Variants in EYS observed in about 807,000 individuals in gnomAD.
EYS encodes EGF-like photoreceptor maintenance factor.
Under a neutral mutation model 282.1 loss-of-function variants are expected in EYS, and 250 were observed. That is an observed-to-expected ratio of 0.89 (90% confidence interval 0.80 to 0.98). EYS has a LOEUF of 0.98. Among genes scored for constraint, EYS ranks in the 50% least tolerant of loss-of-function variants. The probability of loss-of-function intolerance (pLI) is 0.00; values close to 1 mark genes in which losing one functional copy is unlikely to be tolerated. For synonymous variants in EYS, 1,355 were observed against 1,282.9 expected (o/e 1.06, Z -1.20); for missense variants, 4,016 against 3,709.0 (o/e 1.08, Z -2.15).
chr6:64,238,166 T>C (rs182573716), intron 30 of EYS, among the ~76,000 whole-genome samples: 27 of 152,302 alleles, frequency 1.8e-4, no homozygotes, highest in Admixed American at 7.8e-4. Context: ...TCTCACCATC[T>C]TCTATTCTTT....
chr6:65,622,781 A>G (rs563980568), intron 2 of EYS, among the ~76,000 whole-genome samples: 39 of 151,082 alleles, frequency 2.6e-4, no homozygotes, highest in Admixed American at 1.3e-3. Context: ...TGGTTTTGAA[A>G]CAGTATCTCT....
At chr6:65,006,418 C>T (rs1344235857) in intron 13 of EYS, among the ~76,000 whole-genome samples, 2 of 137,050 alleles carry the variant, frequency 1.5e-5, no homozygotes, top group East Asian at 4.8e-4. Flanking sequence ...TCGGTAGGGA[C>T]AACTGCTTCA....
intron 11 of EYS, among the ~76,000 whole-genome samples, chr6:65,327,701 TAA>T (rs1292390640): frequency 6.6e-6 from 1 of 151,530 alleles, no homozygotes; most frequent in Non-Finnish European, 1.5e-5. Flanking sequence ...ATAAAAAGTA[TAA>T]GAGACCACTA....
intron 14 of EYS, among the ~76,000 whole-genome samples, chr6:64,949,072 G>T (rs1260019084): frequency 6.6e-6 from 1 of 151,824 alleles, no homozygotes; most frequent in Admixed American, 6.6e-5. Flanking sequence ...TTGTGAACAT[G>T]AATTTTCAAG....
intron 29 of EYS, among the ~76,000 whole-genome samples, chr6:64,365,267 C>G (rs1192366886): frequency 6.6e-6 from 1 of 151,946 alleles, no homozygotes; most frequent in East Asian, 1.9e-4. Flanking sequence ...GAAGTGAGTG[C>G]TAGGCTACAT....
chr6:64,652,872 G>A (rs1391653483), intron 22 of EYS, among the ~76,000 whole-genome samples: 2 of 151,984 alleles, frequency 1.3e-5, no homozygotes, highest in African/African-American at 2.4e-5. Flanking sequence ...ATAAAATTCC[G>A]TGTGTGTGTA....
intron 12 of EYS, among the ~76,000 whole-genome samples, chr6:65,270,065 A>G (rs898180845): frequency 5.9e-5 from 9 of 152,212 alleles, no homozygotes; most frequent in African/African-American, 2.2e-4. Flanking sequence ...AATTAGATAT[A>G]GGTGCAACTT....
At chr6:65,622,541 T>G (rs115268102) in intron 2 of EYS, among the ~76,000 whole-genome samples, 8 of 152,196 alleles carry the variant, frequency 5.3e-5, no homozygotes, top group African/African-American at 1.9e-4. Context: ...TTATTTAAGA[T>G]CTATACAACA....
chr6:64,151,475 C>G (rs964436724), intron 31 of EYS, among the ~76,000 whole-genome samples: 1 of 150,452 alleles, frequency 6.6e-6, no homozygotes, highest in African/African-American at 2.5e-5. Context: ...ATTCTTGTGC[C>G]TCAGCCTCCC....
intron 31 of EYS, among the ~76,000 whole-genome samples, chr6:64,084,193 C>A (rs895399639): frequency 6.6e-6 from 1 of 152,166 alleles, no homozygotes; most frequent in Non-Finnish European, 1.5e-5. Context: ...TCTTTGGAAA[C>A]CTTTGTCAAC....
intron 12 of EYS, among the ~76,000 whole-genome samples, chr6:65,104,299 T>G (rs1311248030): frequency 6.6e-6 from 1 of 151,482 alleles, no homozygotes; most frequent in Non-Finnish European, 1.5e-5. Flanking sequence ...TTATAATGTG[T>G]CCTTCAATGT....
intron 2 of EYS, among the ~76,000 whole-genome samples, chr6:65,606,102 ATATT>A (rs1379084831): frequency 6.6e-6 from 1 of 151,660 alleles, no homozygotes; most frequent in Non-Finnish European, 1.5e-5. Context: ...TTTAAAAACA[ATATT>A]TATTTACATG....
intron 28 of EYS, among the ~76,000 whole-genome samples, chr6:64,422,705 T>A (rs1369835423): frequency 6.6e-6 from 1 of 152,228 alleles, no homozygotes; most frequent in Non-Finnish European, 1.5e-5. Context: ...ACATTTGGTC[T>A]TAATTGTTCT....
At chr6:65,572,179 G>A (rs1369258428) in intron 2 of EYS, among the ~76,000 whole-genome samples, 2 of 151,936 alleles carry the variant, frequency 1.3e-5, no homozygotes, top group Admixed American at 6.6e-5. Flanking sequence ...AGACAAGCTG[G>A]AAAATTATAG....
At position 65,495,310 on chromosome 6, in the gene EYS, G is replaced by A. The variant is rs1489698186; in HGVS notation, c.101C>T (p.Pro34Leu). Residue 34 changes from proline to leucine, a missense_variant, in exon 4 of 43, where the codon CCA becomes CTA. Transcript: ENST00000503581. The part of the protein sequence containing the change: ...CRRQLVEEWH[P>L]QPSSYVVNWT... Reference sequence around the variant, plus strand: ...ATTTACCACATATGATGAGGGTTGTGGATGCCATTCTTCCACCAATTGCCG... The same window carrying A: ...ATTTACCACATATGATGAGGGTTGTAGATGCCATTCTTCCACCAATTGCCG... The A allele has an allele frequency of 6.2e-7, 1 of 1,614,002 alleles. No individual in the cohort carries two copies. The highest frequency in any genetic ancestry group is 8.5e-7 in the Non-Finnish European group (1 of 1,180,006).
At chr6:64,388,948 T>C in intron 28 of EYS, 108 bp from the exon 29 acceptor site, 1 of 767,560 alleles carries the variant, frequency 1.3e-6, no homozygotes, top group Non-Finnish European at 1.9e-6. Context: ...ATAGATTATT[T>C]CACAATAAAA....
chr6:65,629,070 C>T (rs1468320856), intron 2 of EYS, among the ~76,000 whole-genome samples: 3 of 152,164 alleles, frequency 2.0e-5, no homozygotes, highest in South Asian at 4.1e-4. Flanking sequence ...GTATGACTAT[C>T]ACACTCACTG....
chr6:64,883,430 CT>C (rs1463903244), intron 19 of EYS, among the ~76,000 whole-genome samples: 7 of 151,184 alleles, frequency 4.6e-5, no homozygotes, highest in Non-Finnish European at 7.4e-5. Context: ...AATATTTATA[CT>C]TTTCTAGTAG....
chr6:64,380,813 C>T (rs752448063), intron 29 of EYS, among the ~76,000 whole-genome samples: 6 of 151,920 alleles, frequency 3.9e-5, no homozygotes, highest in South Asian at 2.1e-4. Flanking sequence ...GTCAGGAGTT[C>T]GAGACCAGCC....
Sources: allele counts gnomAD v4.1 joint callset (sites outside exome capture counted in the v4.1 genomes callset), GRCh38; gene constraint gnomAD v4.1.1; transcripts MANE v1.5; gene names NCBI Gene and HGNC (gene_info 2026-07-23, HGNC 2026-07-21).